PCSK5: variants seen among roughly 807,000 people sequenced by gnomAD.
PCSK5 encodes the protein prohormone convertase 5.
PCSK5 carries 129 observed loss-of-function variants against 233.2 expected under a neutral mutation model. The ratio of observed to expected loss-of-function variants is 0.55; its 90% CI spans 0.48 to 0.64. The LOEUF (loss-of-function observed/expected upper bound fraction) is 0.64, where lower values mean the gene tolerates loss of function less well. Ranked by LOEUF, PCSK5 falls within the 30% of genes least tolerant of loss-of-function variation. The probability of loss-of-function intolerance (pLI) is 0.00; values close to 1 mark genes in which losing one functional copy is unlikely to be tolerated. For synonymous variants in PCSK5, 825 were observed against 879.2 expected (o/e 0.94, Z 1.09); for missense variants, 2,076 against 2,430.1 (o/e 0.85, Z 3.06).
At chr9:76,327,815 T>G (rs1256840579) in intron 32 of PCSK5, among the ~76,000 whole-genome samples, 194 bp from the exon 33 acceptor site, 2 of 152,150 alleles carry the variant, frequency 1.3e-5, no homozygotes, top group Non-Finnish European at 2.9e-5. Context: ...TTTCTCTCAT[T>G]TTGCAAAAGA....
At chr9:76,153,584 G>A (rs981315111) in intron 10 of PCSK5, among the ~76,000 whole-genome samples, 8 of 152,162 alleles carry the variant, frequency 5.3e-5, no homozygotes, top group Admixed American at 1.3e-4. Context: ...TTTCGTTATG[G>A]AATGGCCGTA....
At position 76,064,742 on chromosome 9, in the gene PCSK5, C is replaced by T. The variant is rs1479280025; in HGVS notation, c.633-3213C>T. Among the ~76,000 whole-genome samples the T allele has an allele frequency of 5.6e-4, 84 of 150,312 alleles. 1 individual carries two copies. The highest frequency in any genetic ancestry group is 2.0e-3 in the African/African-American group (81 of 40,772). Reference sequence around the variant, plus strand: ...CCTCACCTCCCAGACGGGGTCTCGGCCGGGCAGAGGCGCTCCTCACATCCC... The same window carrying T: ...CCTCACCTCCCAGACGGGGTCTCGGTCGGGCAGAGGCGCTCCTCACATCCC... On this transcript the variant is annotated intron_variant, in intron 5 of 37. Transcript: ENST00000674117.
At chr9:76,352,986 G>A in intron 36 of PCSK5, among the ~76,000 whole-genome samples, 1 of 151,516 alleles carries the variant, frequency 6.6e-6, no homozygotes, top group East Asian at 1.9e-4. Context: ...TCACACCAGT[G>A]CACTCCAGTG....
At chr9:76,227,721 C>T (rs933484652) in intron 21 of PCSK5, 116 bp downstream of exon 21, 4 of 672,100 alleles carry the variant, frequency 6.0e-6, no homozygotes, top group Non-Finnish European at 1.1e-5. Context: ...AAGAAGCAAA[C>T]TCTTTCCCAC....
intron 14 of PCSK5, among the ~76,000 whole-genome samples, chr9:76,176,225 T>C (rs1432583544): frequency 6.6e-6 from 1 of 152,234 alleles, no homozygotes; most frequent in Admixed American, 6.5e-5. Context: ...CTTTAGTTAT[T>C]TTCCAAACAG....
At chr9:76,004,314 G>A (rs528664807) in intron 3 of PCSK5, among the ~76,000 whole-genome samples, 29 of 152,154 alleles carry the variant, frequency 1.9e-4, no homozygotes, top group African/African-American at 7.0e-4. Flanking sequence ...TCTACCTAGG[G>A]TAAGACTGCA....
chr9:76,231,882 A>C (rs536646323), intron 21 of PCSK5, among the ~76,000 whole-genome samples: 1 of 152,328 alleles, frequency 6.6e-6, no homozygotes, highest in East Asian at 1.9e-4. Context: ...TTGTTCATTC[A>C]ATGGTGCTGC....
chr9:76,052,318 C>T (rs750478570), intron 5 of PCSK5, among the ~76,000 whole-genome samples: 2 of 152,128 alleles, frequency 1.3e-5, no homozygotes, highest in Non-Finnish European at 2.9e-5. Flanking sequence ...CCAATAAAGA[C>T]ACACCCAAGA....
intron 3 of PCSK5, among the ~76,000 whole-genome samples, chr9:75,998,851 A>G (rs1021489821): frequency 6.6e-6 from 1 of 152,170 alleles, no homozygotes; most frequent in Non-Finnish European, 1.5e-5. Context: ...TCATCACCGA[A>G]TAGCCTAGTA....
intron 3 of PCSK5, among the ~76,000 whole-genome samples, chr9:76,015,231 C>T (rs1365082380): frequency 1.3e-5 from 2 of 152,204 alleles, no homozygotes; most frequent in East Asian, 1.9e-4. Context: ...ATTCACTCTT[C>T]CTCTGACTTT....
At chr9:75,966,756 A>G (rs1401006583) in intron 2 of PCSK5, among the ~76,000 whole-genome samples, 1 of 152,220 alleles carries the variant, frequency 6.6e-6, no homozygotes, top group African/African-American at 2.4e-5. Flanking sequence ...CAACAAAATG[A>G]GAAAAACAAA....
chr9:76,224,414 A>G (rs980053389), intron 20 of PCSK5, among the ~76,000 whole-genome samples: 1 of 152,112 alleles, frequency 6.6e-6, no homozygotes, highest in Admixed American at 6.5e-5. Flanking sequence ...GACTTTTGAC[A>G]TTGAGAAAAA....
intron 2 of PCSK5, among the ~76,000 whole-genome samples, chr9:75,959,015 G>A (rs959507659): frequency 5.3e-5 from 8 of 152,274 alleles, no homozygotes; most frequent in Non-Finnish European, 1.2e-4. Flanking sequence ...AAACTTAGGG[G>A]ACAAAATATT....
At chr9:75,941,982 A>G (rs909229041) in intron 2 of PCSK5, among the ~76,000 whole-genome samples, 1 of 152,262 alleles carries the variant, frequency 6.6e-6, no homozygotes, top group Admixed American at 6.5e-5. Context: ...CTACTTTGGC[A>G]AGGCTGCCAA....
At chr9:75,900,858 C>G (rs1362578610) in intron 1 of PCSK5, among the ~76,000 whole-genome samples, 1 of 151,996 alleles carries the variant, frequency 6.6e-6, no homozygotes, top group African/African-American at 2.4e-5. Context: ...ACACACCTAT[C>G]CTTCCACTAG....
chr9:76,094,588 T>G (rs183683926), intron 7 of PCSK5, among the ~76,000 whole-genome samples: 1 of 152,262 alleles, frequency 6.6e-6, no homozygotes, highest in East Asian at 1.9e-4. Flanking sequence ...ATTCCTTGAT[T>G]ATTGAGGACT....
At chr9:76,240,164 A>G (rs1470710403) in intron 23 of PCSK5, among the ~76,000 whole-genome samples, 1 of 152,212 alleles carries the variant, frequency 6.6e-6, no homozygotes, top group African/African-American at 2.4e-5. Flanking sequence ...GAGAGCTCCA[A>G]GACATTTTTA....
Position 76,188,601 on chromosome 9 carries a change from T to A in PCSK5, c.2306T>A (p.Val769Asp). 1 of 1,613,650 alleles carries A rather than the reference T, an allele frequency of 6.2e-7. No homozygotes were observed. Among genetic ancestry groups the A allele is most frequent in the South Asian group, 1.1e-5 (1 of 91,054 alleles). ...AGCCTGCAGGGATCCCGGTGCTCTG[T>A]CTCCTGTGAAGATGGACGGTATTTC... Reference protein sequence around the residue: ...GLSLQGSRCSVSCEDGRYFNG... With the variant: ...GLSLQGSRCSDSCEDGRYFNG... The change falls in exon 18 of 38, where the codon GTC becomes GAC. Residue 769 changes from valine to aspartate, a missense_variant. Val to Asp is a radical substitution (Grantham distance 152). This residue lies in a region of PCSK5 where 1,510 missense variants were observed against 1,538.1 expected (regional missense o/e 0.98). Coordinates refer to ENST00000674117, the MANE Select transcript of PCSK5 (RefSeq NM_001372043.1).
At chr9:76,157,439 T>C (rs942219996) in intron 11 of PCSK5, among the ~76,000 whole-genome samples, 1 of 152,130 alleles carries the variant, frequency 6.6e-6, no homozygotes, top group African/African-American at 2.4e-5. Context: ...TCGATATTTC[T>C]ATTTGATGGT....
Sources: gnomAD v4.1 joint callset for allele counts (sites outside exome capture counted in the v4.1 genomes callset) on GRCh38, gnomAD v4.1.1 for gene constraint, gnomAD v4.1.1 regional missense constraint, MANE v1.5 for transcripts, NCBI Gene and HGNC (gene_info 2026-07-23, HGNC 2026-07-21) for gene names.